The following BACE2 variants were observed in gnomAD, a reference collection of about 807,000 sequenced individuals.
BACE2 encodes the protein 56 kDa aspartic-like protease.
A neutral mutation model predicts 46.2 loss-of-function variants in BACE2; 17 were observed. The observed-to-expected ratio is 0.37, with a 90% confidence interval of 0.25 to 0.55. The LOEUF is 0.55. BACE2 is among the 20% of genes least tolerant of loss of function. BACE2 has a pLI of 0.82. For synonymous variants in BACE2, 277 were observed against 295.9 expected (o/e 0.94, Z 0.66); for missense variants, 595 against 698.1 (o/e 0.85, Z 1.66).
intron 8 of BACE2, among the ~76,000 whole-genome samples, chr21:41,268,106 C>T (rs1015168671): frequency 2.6e-5 from 4 of 152,212 alleles, no homozygotes; most frequent in African/African-American, 7.2e-5. Flanking sequence ...CGGACACTTA[C>T]GTAGCACCGA....
intron 2 of BACE2, among the ~76,000 whole-genome samples, chr21:41,229,896 C>T (rs1360154252): frequency 6.6e-6 from 1 of 152,222 alleles, no homozygotes; most frequent in Non-Finnish European, 1.5e-5. Context: ...CAAGATAATT[C>T]AGGATTTCTT....
intron 1 of BACE2, among the ~76,000 whole-genome samples, chr21:41,215,691 C>T (rs929944719): frequency 1.1e-4 from 16 of 152,126 alleles, no homozygotes; most frequent in African/African-American, 3.9e-4. Context: ...GCGGGGACGT[C>T]GGGACCTCCA....
chr21:41,203,923 G>T (rs192089798), intron 1 of BACE2, among the ~76,000 whole-genome samples: 1 of 152,182 alleles, frequency 6.6e-6, no homozygotes, highest in Non-Finnish European at 1.5e-5. Flanking sequence ...GCTGTTTTTG[G>T]GGGGTGGTGG....
chr21:41,221,957 G>A (rs1312478059), intron 1 of BACE2, among the ~76,000 whole-genome samples: 4 of 152,214 alleles, frequency 2.6e-5, no homozygotes, highest in South Asian at 2.1e-4. Context: ...CTGGTGGGGC[G>A]GAGGCAGCAG....
chr21:41,204,522 C>A (rs1986064463), intron 1 of BACE2, among the ~76,000 whole-genome samples: 1 of 152,154 alleles, frequency 6.6e-6, no homozygotes. Flanking sequence ...GGAGCTAGGA[C>A]CATGGGTGGT....
intron 1 of BACE2, chr21:41,176,154 A>C (rs1984827978): frequency 6.6e-6 from 1 of 152,228 alleles, no homozygotes; most frequent in Admixed American, 6.5e-5. Context: ...ATTTCATTTG[A>C]GAGAATCTCC....
chr21:41,201,636 G>A (rs1985971451), intron 1 of BACE2, among the ~76,000 whole-genome samples: 1 of 152,212 alleles, frequency 6.6e-6, no homozygotes, highest in Admixed American at 6.5e-5. Context: ...ATCCCTATTA[G>A]GTCCAAGAGC....
intron 7 of BACE2, among the ~76,000 whole-genome samples, chr21:41,256,207 A>G (rs1366179879): frequency 1.3e-5 from 2 of 152,114 alleles, no homozygotes; most frequent in Admixed American, 6.5e-5. Context: ...CGTCACCTGC[A>G]TTAGGTATTT....
chr21:41,248,691 C>G (rs1268958581), intron 6 of BACE2, among the ~76,000 whole-genome samples: 2 of 152,240 alleles, frequency 1.3e-5, no homozygotes, highest in Non-Finnish European at 2.9e-5. Flanking sequence ...GAACCAACCA[C>G]AGGGTGCTTT....
intron 1 of BACE2, among the ~76,000 whole-genome samples, chr21:41,198,242 C>T (rs370744673): frequency 1.3e-4 from 20 of 152,260 alleles, no homozygotes; most frequent in African/African-American, 2.6e-4. Context: ...CTGCCCACCT[C>T]GGCCTCTCAA....
At chr21:41,171,829 C>G (rs1487549257) in intron 1 of BACE2, among the ~76,000 whole-genome samples, 1 of 152,188 alleles carries the variant, frequency 6.6e-6, no homozygotes, top group Non-Finnish European at 1.5e-5. Flanking sequence ...GTAAAGCAGA[C>G]AGCAAAACTA....
chr21:41,266,294 A>T (rs1988065035), intron 8 of BACE2, among the ~76,000 whole-genome samples: 1 of 152,080 alleles, frequency 6.6e-6, no homozygotes, highest in Non-Finnish European at 1.5e-5. Context: ...TTTTTCCATC[A>T]CCGATGGGGA....
chr21:41,223,106 C>T (rs1426496142), intron 1 of BACE2, among the ~76,000 whole-genome samples: 1 of 152,166 alleles, frequency 6.6e-6, no homozygotes, highest in Non-Finnish European at 1.5e-5. Flanking sequence ...GTAATCCCAG[C>T]ACTTTAGGAG....
chr21:41,272,850 T>C (rs2088447440), intron 8 of BACE2, among the ~76,000 whole-genome samples: 1 of 152,228 alleles, frequency 6.6e-6, no homozygotes, highest in African/African-American at 2.4e-5. Flanking sequence ...GTAGAATCAA[T>C]GTTTATGTCC....
At chr21:41,274,434 G>A (rs945014168) in intron 8 of BACE2, among the ~76,000 whole-genome samples, 1 of 152,058 alleles carries the variant, frequency 6.6e-6, no homozygotes, top group African/African-American at 2.4e-5. Flanking sequence ...CAAATTCTTA[G>A]CAGTGTTATT....
chr21:41,217,080 T>A (rs909266373), intron 1 of BACE2, among the ~76,000 whole-genome samples: 3 of 152,134 alleles, frequency 2.0e-5, no homozygotes, highest in African/African-American at 4.8e-5. Flanking sequence ...TACAGGTGTG[T>A]GCCACCACGC....
chr21:41,168,279 C>CGGGCGCT lies in BACE2; in HGVS notation c.18_24dup (p.Leu9GlyfsTer104). ...CGCCGTGGGCATGGGCGCACTGGCC[C>CGGGCGCT]GGGCGCTGCTGCTGCCTCTGCTGGC... On this transcript the variant is annotated frameshift_variant, in exon 1 of 9. Coordinates refer to ENST00000330333, the MANE Select transcript of BACE2 (RefSeq NM_012105.5). LOFTEE classifies it high-confidence loss of function. 2 of 1,234,036 alleles carry CGGGCGCT rather than the reference C, an allele frequency of 1.6e-6. No homozygotes were observed. The highest frequency in any genetic ancestry group is 2.0e-6 in the Non-Finnish European group (2 of 990,394). The allele number at this position is 1,234,036 out of a possible 1,614,324, so 76.4% of individuals were successfully genotyped here.
chr21:41,203,262 C>A (rs1277029805), intron 1 of BACE2, among the ~76,000 whole-genome samples: 2 of 151,968 alleles, frequency 1.3e-5, no homozygotes, highest in Non-Finnish European at 2.9e-5. Context: ...GTCACAAGTT[C>A]ATAATTATCA....
intron 1 of BACE2, among the ~76,000 whole-genome samples, chr21:41,201,313 T>G (rs1985960599): frequency 6.6e-6 from 1 of 152,194 alleles, no homozygotes; most frequent in African/African-American, 2.4e-5. Flanking sequence ...ATGCATTAAG[T>G]AGAGTTGAGT....
Sources: gnomAD v4.1 joint callset for allele counts (sites outside exome capture counted in the v4.1 genomes callset) on GRCh38, gnomAD v4.1.1 for gene constraint, MANE v1.5 for transcripts, NCBI Gene and HGNC (gene_info 2026-07-23, HGNC 2026-07-21) for gene names.